PRC1: variants seen among roughly 807,000 people sequenced by gnomAD.
PRC1 encodes the protein anaphase spindle elongation 1 homolog.
PRC1 carries 54 observed loss-of-function variants against 91.2 expected under a neutral mutation model. The observed-to-expected ratio is 0.59, with a 90% CI of 0.48 to 0.74. The LOEUF (loss-of-function observed/expected upper bound fraction) is 0.74. Among genes scored for constraint, PRC1 ranks in the 30% least tolerant of loss-of-function variants. PRC1 has a pLI of 0.00. For missense variants in PRC1, 727 were observed against 746.2 expected (o/e 0.97, Z 0.30); for synonymous variants, 275 against 263.6 (o/e 1.04, Z -0.42).
In PRC1 at chr15:90,969,184, G is replaced by A. The variant is rs998395121; in HGVS notation, c.1750-64C>T. ...CCAAGAGAGCACCAGGACAGTGATA[G>A]AGGGGTTGCCTCCTGCAGCCAGGGA... On this transcript the variant is annotated intron_variant, in intron 13 of 14. Coordinates refer to ENST00000394249, the MANE Select transcript of PRC1 (RefSeq NM_003981.4). The A allele has an allele frequency of 4.6e-6, 7 of 1,527,336 alleles. No individual in the cohort carries two copies. In the African/African-American group the frequency reaches 9.6e-5, roughly 21 times the overall value. 94.6% of individuals were successfully genotyped at this position (1,527,336 alleles called of 1,614,324 possible).
intron 1 of PRC1, among the ~76,000 whole-genome samples, chr15:90,991,792 G>C (rs1017279766): frequency 1.3e-5 from 2 of 152,058 alleles, no homozygotes; most frequent in Non-Finnish European, 2.9e-5. Context: ...TATGGCAGGG[G>C]CCTCTTAACT....
At chr15:90,970,699 G>A (rs922077248) in intron 11 of PRC1, among the ~76,000 whole-genome samples, 185 bp from the exon 12 acceptor site, 1 of 152,220 alleles carries the variant, frequency 6.6e-6, no homozygotes, top group Admixed American at 6.5e-5. Flanking sequence ...AATTTTCAAA[G>A]CCTATTGCTA....
intron 6 of PRC1, 123 bp from the exon 7 acceptor site, chr15:90,980,512 C>CTTTTTT (rs35250469): frequency 3.0e-5 from 15 of 492,804 alleles, no homozygotes; most frequent in Admixed American, 9.8e-5. Context: ...TAAATCAACA[C>CTTTTTT]TTTTTTTTTT....
At chr15:90,983,384 G>A (rs2039355394) in intron 3 of PRC1, among the ~76,000 whole-genome samples, 1 of 152,198 alleles carries the variant, frequency 6.6e-6, no homozygotes. Context: ...GTTCTAAGCA[G>A]AGATTTTCAG....
chr15:90,975,682 C>T (rs1209327710), intron 9 of PRC1, among the ~76,000 whole-genome samples: 4 of 152,144 alleles, frequency 2.6e-5, no homozygotes, highest in African/African-American at 9.6e-5. Context: ...TTGGAGACAG[C>T]GTCTTTAAAA....
At chr15:90,983,778 G>C (rs2039380911) in intron 3 of PRC1, 1 of 368,082 alleles carries the variant, frequency 2.7e-6, no homozygotes, top group Admixed American at 4.3e-5. Flanking sequence ...GCAAAACTAT[G>C]GTAAGCAGCA....
Position 90,974,779 on chromosome 15 carries a change from A to G in PRC1, c.1204-48T>C, listed in dbSNP as rs766472946. On this transcript the variant is annotated intron_variant, in intron 9 of 14. Transcript: ENST00000394249. The surrounding 1 kb of genome is among the most constrained non-coding windows in gnomAD (Gnocchi z 4.6). The stretch of plus-strand genomic sequence containing the variant: ...GTTAATTACTTCAACTCTTTAGTGC[A>G]AAGCCCAAATGAAATGATTTCCCTA... The G allele has an allele frequency of 4.4e-6, 7 of 1,603,654 alleles. No homozygotes were observed. The Admixed American group carries it at 1.2e-4, about 27-fold the overall frequency.
chr15:90,970,841 G>A (rs1274692518), intron 11 of PRC1, among the ~76,000 whole-genome samples: 4 of 152,186 alleles, frequency 2.6e-5, no homozygotes, highest in East Asian at 1.9e-4. Context: ...AGACTTAGAC[G>A]TAAATGTTCA....
Position 90,994,527 on chromosome 15 carries a change from C to A in PRC1, c.-110G>T. The A allele has an allele frequency of 7.2e-7, 1 of 1,397,938 alleles. No homozygotes were observed. 86.6% of individuals were successfully genotyped at this position (1,397,938 alleles called of 1,614,324 possible). On this transcript the variant is annotated 5_prime_UTR_variant, in exon 1 of 15. Transcript: ENST00000394249. ...GATGTCACTCCGCGTAGCCGCTCCG[C>A]GAGCCGTTGAGCCCCGCAAAATTTC...
At chr15:90,977,089 T>C (rs12593261) in intron 8 of PRC1, 79,786 of 154,640 alleles carry the variant, frequency 0.52, 24,990 homozygotes, top group East Asian at 0.99. Flanking sequence ...TGCGCCACCG[T>C]GCTCCACCCC....
chr15:90,976,199 C>A (rs903267299), intron 9 of PRC1, among the ~76,000 whole-genome samples: 1 of 152,132 alleles, frequency 6.6e-6, no homozygotes, highest in Non-Finnish European at 1.5e-5. Flanking sequence ...AGTGATTCTC[C>A]TGCCTCAGCC....
intron 9 of PRC1, among the ~76,000 whole-genome samples, chr15:90,975,091 G>A (rs1213609712): frequency 6.6e-6 from 1 of 152,154 alleles, no homozygotes; most frequent in East Asian, 1.9e-4. Context: ...CCTCTTTACT[G>A]GCTGTGAAGC....
At position 90,969,607 on chromosome 15, in the gene PRC1, G is replaced by C. The variant is rs964457804; in HGVS notation, c.1589C>G (p.Thr530Ser). ...PSGSKPVAAS[T>S]CSGKKTPRTG... The stretch of plus-strand genomic sequence containing the variant: ...ACGGGGTGTTTTCTTCCCTGAACAG[G>C]TGGAAGCAGCGACTGGCTGCAGAGA... The change falls in exon 13 of 15, where the codon ACC becomes AGC. Residue 530 changes from threonine (T) to serine (S), a missense_variant. By Grantham distance (58) the Thr-to-Ser change is moderately conservative. Transcript: ENST00000394249. The C allele has an allele frequency of 1.9e-6, 3 of 1,599,460 alleles. No homozygotes were observed. Among genetic ancestry groups the C allele is most frequent in the Admixed American group, 1.8e-5 (1 of 56,278 alleles).
intron 9 of PRC1, among the ~76,000 whole-genome samples, chr15:90,975,323 C>G (rs770476817): frequency 1.3e-5 from 2 of 152,008 alleles, no homozygotes; most frequent in Non-Finnish European, 2.9e-5. Flanking sequence ...AGGCTGGTCT[C>G]GAACTGCCTC....
chr15:90,980,982 G>A lies in PRC1; in HGVS notation c.724C>T (p.Gln242Ter), dbSNP rs1567196116. The A allele has an allele frequency of 6.2e-7, 1 of 1,614,186 alleles. No homozygotes were observed. The highest frequency in any genetic ancestry group is 1.1e-5 in the South Asian group (1 of 91,088). Residue 242 changes from glutamine to a stop codon, truncating the protein, a stop_gained, in exon 6 of 15, where the codon CAA becomes TAA. Transcript: ENST00000394249. LOFTEE classifies it high-confidence loss of function. ...AACCTGTCCCAGAGCTCTCGGATTT[G>A]AGTACGCAGCCCCTCACACACTGCT... ...NEAVCEGLRTQIRELWDRLQI... is the reference protein window; with the variant it reads ...NEAVCEGLRT
chr15:90,968,299 G>T, intron 14 of PRC1: 2 of 985,466 alleles, frequency 2.0e-6, no homozygotes, highest in Non-Finnish European at 2.4e-6. Context: ...AAAACATGCT[G>T]GAGTAGGAAG....
At chr15:90,982,184 T>TC in intron 3 of PRC1, 2 of 589,934 alleles carry the variant, frequency 3.4e-6, no homozygotes. Context: ...AGGGTACTTT[T>TC]CCCCCCAATT....
chr15:90,980,726 G>C (rs921803293), intron 6 of PRC1, among the ~76,000 whole-genome samples, 158 bp downstream of exon 6: 2 of 151,840 alleles, frequency 1.3e-5, no homozygotes, highest in African/African-American at 4.8e-5. Context: ...GGCTGGTCTC[G>C]AACTCCTGAC....
intron 3 of PRC1, chr15:90,982,759 G>A (rs1325688670): frequency 6.6e-6 from 1 of 152,098 alleles, no homozygotes; most frequent in Non-Finnish European, 1.5e-5. Flanking sequence ...AATAAATAAA[G>A]AAATAACAGT....
Sources: allele counts gnomAD v4.1 joint callset (sites outside exome capture counted in the v4.1 genomes callset), GRCh38; gene constraint gnomAD v4.1.1; non-coding constraint Gnocchi (gnomAD v3.1); transcripts MANE v1.5; gene names NCBI Gene and HGNC (gene_info 2026-07-23, HGNC 2026-07-21).